The following SBNO2 variants were observed in gnomAD, a reference collection of about 807,000 sequenced individuals.
SBNO2 encodes strawberry notch homolog 2.
Under a neutral mutation model 146.3 loss-of-function variants are expected in SBNO2, and 89 were observed. That is an observed-to-expected ratio of 0.61 (90% confidence interval 0.51 to 0.73). SBNO2 has a LOEUF of 0.73. SBNO2 is among the 30% of genes least tolerant of loss of function. The probability of loss-of-function intolerance (pLI) is 0.00; values close to 1 mark genes in which losing one functional copy is unlikely to be tolerated. For synonymous variants in SBNO2, 1,147 were observed against 892.6 expected (o/e 1.29, Z -5.08); for missense variants, 2,092 against 2,003.7 (o/e 1.04, Z -0.84).
At position 1,141,772 on chromosome 19, in the gene SBNO2, C is replaced by T. The variant is rs571802439; in HGVS notation, c.279+5537G>A. On this transcript the variant is annotated intron_variant, in intron 4 of 31. Coordinates refer to ENST00000361757, the MANE Select transcript of SBNO2 (RefSeq NM_014963.3). ...CAAATACTGGGACTACAGGCTTGCA[C>T]CACCATGCCCGACTAATTTTTTCTA... is the stretch of plus-strand genomic sequence containing the variant. Among the ~76,000 whole-genome samples, 4 of 152,212 alleles carry T rather than the reference C, an allele frequency of 2.6e-5. No individual in the cohort carries two copies. The South Asian group carries it at 8.3e-4, about 32-fold the overall frequency.
Position 1,136,079 on chromosome 19 carries a change from G to C in SBNO2, c.280-8314C>G, listed in dbSNP as rs539137536. On this transcript the variant is annotated intron_variant, in intron 4 of 31. Transcript: ENST00000361757. The surrounding 1 kb of genome is among the most constrained non-coding windows in gnomAD (Gnocchi z 4.2). ...CTGTGCCTGGTGTCCTCATTCGAAG[G>C]AGACACAGTCCCGGGGAGGAGGCCA... is the stretch of plus-strand genomic sequence containing the variant. Among the ~76,000 whole-genome samples, 1 of 152,252 alleles carries C rather than the reference G, an allele frequency of 6.6e-6. No individual in the cohort carries two copies. Among genetic ancestry groups the C allele is most frequent in the Admixed American group, 6.5e-5 (1 of 15,290 alleles).
chr19:1,159,796 A>C (rs1599877442), intron 1 of SBNO2, among the ~76,000 whole-genome samples: 4 of 57,876 alleles, frequency 6.9e-5, no homozygotes, highest in East Asian at 6.2e-4. Context: ...CAGTGGGGGA[A>C]CAGCGGGGGG....
rs770866480 is a variant in SBNO2, at chr19:1,122,453, G to A, written c.1005+15C>T. ...TCCCCACCTTGCCCCCTACTTTGCC[G>A]AGCACAGCCCCTACCTTGCTGAGCG... is the stretch of plus-strand genomic sequence containing the variant. On this transcript the variant is annotated intron_variant, in intron 10 of 31. Transcript: ENST00000361757. The A allele has an allele frequency of 9.6e-6, 15 of 1,564,026 alleles. No individual in the cohort carries two copies. The South Asian group carries it at 1.2e-4, about 12-fold the overall frequency.
In SBNO2 at chr19:1,108,960, G is replaced by C. The variant is rs1383088740; in HGVS notation, c.3435C>G (p.His1145Gln). 2 of 1,538,846 alleles carry C rather than the reference G, an allele frequency of 1.3e-6. No individual in the cohort carries two copies. The highest frequency in any genetic ancestry group is 1.7e-6 in the Non-Finnish European group (2 of 1,148,428). Residue 1145 changes from histidine to glutamine, a missense_variant, in exon 31 of 32, where the codon CAC becomes CAG. Coordinates refer to ENST00000361757, the MANE Select transcript of SBNO2 (RefSeq NM_014963.3). ...CCTTACCCTCCTGCGCCAGCCGGCA[G>C]TGCCGGTTCCTGCGGACGAGACGGG... is the stretch of plus-strand genomic sequence containing the variant. ...THCSHSAWNRHCRLAQEGKDC... is the reference protein window; with the variant it reads ...THCSHSAWNRQCRLAQEGKDC...
At position 1,108,396 on chromosome 19, in the gene SBNO2, C is replaced by T. The variant is rs2079700391; in HGVS notation, c.3925G>A (p.Asp1309Asn). 3.1e-6 allele frequency: 4 copies of T among 1,283,104 alleles called. No homozygotes were observed. The highest frequency in any genetic ancestry group is 2.0e-6 in the Non-Finnish European group (2 of 1,009,352). The allele number at this position is 1,283,104 out of a possible 1,614,324, so 79.5% of individuals were successfully genotyped here. ...DPAALAHQGCDINFKEVLEDM... is the reference protein window; with the variant it reads ...DPAALAHQGCNINFKEVLEDM... ...TCCAGCACCTCCTTGAAGTTGATGT[C>T]GCAGCCCTGGTGCGCGAGGGCCGCA... The change falls in exon 32 of 32, where the codon GAC (aspartate) becomes AAC (asparagine). Residue 1309 changes from aspartate (D) to asparagine (N), a missense_variant. Asp to Asn is a conservative substitution (Grantham distance 23). Coordinates refer to ENST00000361757, the MANE Select transcript of SBNO2 (RefSeq NM_014963.3).
At chr19:1,134,742 A>G (rs1425712825) in intron 4 of SBNO2, among the ~76,000 whole-genome samples, 1 of 152,092 alleles carries the variant, frequency 6.6e-6, no homozygotes, top group Non-Finnish European at 1.5e-5. Flanking sequence ...CTCTGTGAAT[A>G]TACTTTTTTA....
chr19:1,147,428 G>A lies in SBNO2; in HGVS notation c.168-8C>T. The A allele has an allele frequency of 2.8e-6, 3 of 1,071,530 alleles. No individual in the cohort carries two copies. The highest frequency in any genetic ancestry group is 3.8e-6 in the Non-Finnish European group (3 of 780,226). 66.4% of individuals were successfully genotyped at this position (1,071,530 alleles called of 1,614,324 possible). ...GCGGAGCTCATGAACGGGCTGGAGG[G>A]AGATGGGGGGGGGGGAGGTGAGATG... is the stretch of plus-strand genomic sequence containing the variant. On this transcript the variant is annotated splice_region_variant and splice_polypyrimidine_tract_variant and intron_variant, in intron 3 of 31. Coordinates refer to ENST00000361757, the MANE Select transcript of SBNO2 (RefSeq NM_014963.3).
intron 4 of SBNO2, among the ~76,000 whole-genome samples, chr19:1,129,566 A>G (rs1057054612): frequency 6.6e-6 from 1 of 152,118 alleles, no homozygotes; most frequent in Admixed American, 6.5e-5. Flanking sequence ...CCCGATCGGC[A>G]GGGTTGGGGA....
intron 6 of SBNO2, 117 bp downstream of exon 6, chr19:1,123,825 C>T: frequency 8.5e-7 from 1 of 1,176,292 alleles, no homozygotes. Flanking sequence ...ATAAAATGGG[C>T]ACTCCCAGCT....
chr19:1,163,161 G>C (rs1234870922), intron 1 of SBNO2, among the ~76,000 whole-genome samples: 2 of 152,204 alleles, frequency 1.3e-5, no homozygotes, highest in Non-Finnish European at 2.9e-5. Flanking sequence ...GGCCTTATTT[G>C]CATACAGGGT....
At chr19:1,160,381 C>T (rs1029098470) in intron 1 of SBNO2, among the ~76,000 whole-genome samples, 3 of 152,200 alleles carry the variant, frequency 2.0e-5, no homozygotes, top group African/African-American at 7.2e-5. Context: ...GGGGGGTCTG[C>T]GGGGCGGCCT....
intron 4 of SBNO2, among the ~76,000 whole-genome samples, chr19:1,145,235 G>C (rs2080178400): frequency 6.6e-6 from 1 of 151,760 alleles, no homozygotes; most frequent in Non-Finnish European, 1.5e-5. Flanking sequence ...GGGAGGCTGA[G>C]GCGGGCGGAT....
At chr19:1,167,762 G>A (rs1438664424) in intron 1 of SBNO2, among the ~76,000 whole-genome samples, 1 of 152,186 alleles carries the variant, frequency 6.6e-6, no homozygotes, top group Non-Finnish European at 1.5e-5. Flanking sequence ...ACCCAGACCT[G>A]CAGTACACAG....
chr19:1,163,803 C>T (rs2080373621), intron 1 of SBNO2, among the ~76,000 whole-genome samples: 1 of 152,186 alleles, frequency 6.6e-6, no homozygotes, highest in South Asian at 2.1e-4. Flanking sequence ...ACGAGGTGGG[C>T]CCGGCAGGAG....
In SBNO2 at chr19:1,126,072, G is replaced by A. The variant is rs1203643792; in HGVS notation, c.441+1532C>T. On this transcript the variant is annotated intron_variant, in intron 5 of 31. Coordinates refer to ENST00000361757, the MANE Select transcript of SBNO2 (RefSeq NM_014963.3). This position sits in a 1 kb window ranked among gnomAD's most constrained non-coding sequence, Gnocchi z 4.4. ...CCCTTGAACTCCAACGTCCTGAGAC[G>A]GGTGAGGTTTCCGCCCAAGCCTGCC... Among the ~76,000 whole-genome samples, 1 of 152,304 alleles carries A rather than the reference G, an allele frequency of 6.6e-6. No individual in the cohort carries two copies. The highest frequency in any genetic ancestry group is 2.4e-5 in the African/African-American group (1 of 41,562).
At chr19:1,128,261 G>T in intron 4 of SBNO2, 1 of 480,452 alleles carries the variant, frequency 2.1e-6, no homozygotes, top group Non-Finnish European at 4.1e-6. Flanking sequence ...GAGCAGCTCG[G>T]GTCTGGGGTG....
chr19:1,122,741 G>A lies in SBNO2; in HGVS notation c.831C>T (p.Gly277=), dbSNP rs915797839. 3.8e-5 allele frequency: 58 copies of A among 1,537,190 alleles called. No homozygotes were observed. Among genetic ancestry groups the A allele is most frequent in the Non-Finnish European group, 4.6e-5 (53 of 1,146,528 alleles). ...PSGQRAGFLI[G]DGAGVGKGRT... ...GGCCTTTGCCCACGCCGGCCCCATC[G>A]CCGATGAGAAAGCCCGCGCGCTGCC... The change falls in exon 9 of 32, where the codon GGC becomes GGT. Residue 277 remains glycine (G), a synonymous_variant. Transcript: ENST00000361757.
At chr19:1,169,833 C>T (rs1439856262) in intron 1 of SBNO2, among the ~76,000 whole-genome samples, 1 of 152,172 alleles carries the variant, frequency 6.6e-6, no homozygotes, top group Non-Finnish European at 1.5e-5. Flanking sequence ...TATGACTCAA[C>T]GGTTTCAACG....
Position 1,126,640 on chromosome 19 carries a change from G to A in SBNO2, c.441+964C>T, listed in dbSNP as rs951304057. 6.6e-6 allele frequency among the ~76,000 whole-genome samples: 1 copy of A among 152,138 alleles called. No individual in the cohort carries two copies. Among genetic ancestry groups the A allele is most frequent in the African/African-American group, 2.4e-5 (1 of 41,416 alleles). The stretch of plus-strand genomic sequence containing the variant: ...CTGGGCCCCCAAGCCCGTGAGTTCT[G>A]CTGCCCGGGTTGCCCCTTCCTGAGG... On this transcript the variant is annotated intron_variant, in intron 5 of 31. Transcript: ENST00000361757. The surrounding 1 kb of genome is among the most constrained non-coding windows in gnomAD (Gnocchi z 4.4).
Sources: allele counts gnomAD v4.1 joint callset (sites outside exome capture counted in the v4.1 genomes callset), GRCh38; gene constraint gnomAD v4.1.1; non-coding constraint Gnocchi (gnomAD v3.1); transcripts MANE v1.5; gene names NCBI Gene and HGNC (gene_info 2026-07-23, HGNC 2026-07-21).